The following GPC5 variants were observed in gnomAD, a reference collection of about 807,000 sequenced individuals.
GPC5 encodes glypican 5.
GPC5 carries 47 observed loss-of-function variants against 53.9 expected under a neutral mutation model. The ratio of observed to expected loss-of-function variants is 0.87; its 90% CI spans 0.69 to 1.11. The LOEUF (loss-of-function observed/expected upper bound fraction) is 1.11. Among genes scored for constraint, GPC5 ranks in the 50% most tolerant of loss-of-function variants. The pLI is 0.00. For synonymous variants in GPC5, 286 were observed against 263.3 expected, an observed-to-expected ratio of 1.09 and a Z score of -0.84; for missense variants, 748 against 713.1, an observed-to-expected ratio of 1.05 and a Z score of -0.56.
chr13:91,463,977 A>C (rs920949542), intron 2 of GPC5, among the ~76,000 whole-genome samples: 10 of 152,110 alleles, frequency 6.6e-5, no homozygotes, highest in African/African-American at 9.7e-5. Flanking sequence ...TAAGCAAATA[A>C]TTGCAAACTG....
At chr13:92,628,260 C>CTTTTTTTTTTTTTTT (rs1286424637) in intron 7 of GPC5, among the ~76,000 whole-genome samples, 2 of 37,566 alleles carry the variant, frequency 5.3e-5, no homozygotes, top group African/African-American at 1.6e-4. Context: ...TTTTCTTTTT[C>CTTTTTTTTTTTTTTT]TTTCTTTTTT....
At chr13:92,178,973 A>AAAAT (rs2042127845) in intron 7 of GPC5, among the ~76,000 whole-genome samples, 2 of 152,002 alleles carry the variant, frequency 1.3e-5, no homozygotes, top group South Asian at 2.1e-4. Flanking sequence ...CCTGTCTCAA[A>AAAAT]AAATAAATGA....
At chr13:91,633,617 T>G (rs978117841) in intron 2 of GPC5, among the ~76,000 whole-genome samples, 9 of 152,128 alleles carry the variant, frequency 5.9e-5, no homozygotes, top group African/African-American at 1.7e-4. Context: ...GTTTAACCTA[T>G]GGGTTGAGTG....
chr13:92,140,607 C>G (rs2041823403), intron 6 of GPC5, among the ~76,000 whole-genome samples: 2 of 152,300 alleles, frequency 1.3e-5, no homozygotes, highest in African/African-American at 4.8e-5. Flanking sequence ...ATTGATAACT[C>G]TCCTCTAGAC....
At chr13:92,564,862 A>T (rs1882814827) in intron 7 of GPC5, among the ~76,000 whole-genome samples, 1 of 152,086 alleles carries the variant, frequency 6.6e-6, no homozygotes, top group African/African-American at 2.4e-5. Flanking sequence ...CTTCAGATCG[A>T]GTTGGTTTAA....
intron 5 of GPC5, among the ~76,000 whole-genome samples, chr13:91,814,831 G>T (rs553166733): frequency 6.6e-6 from 1 of 152,098 alleles, no homozygotes; most frequent in African/African-American, 2.4e-5. Flanking sequence ...ATAAGCCACC[G>T]CACCTGGCCA....
intron 7 of GPC5, among the ~76,000 whole-genome samples, chr13:92,534,474 C>G (rs1881661842): frequency 6.6e-6 from 1 of 152,172 alleles, no homozygotes. Flanking sequence ...ATAACAGTAA[C>G]TTCCTAGACA....
intron 3 of GPC5, among the ~76,000 whole-genome samples, chr13:91,694,603 C>T (rs1262917302): frequency 6.6e-6 from 1 of 152,228 alleles, no homozygotes; most frequent in Non-Finnish European, 1.5e-5. Flanking sequence ...TAAATATTCA[C>T]TGGCTCCCTT....
chr13:92,134,189 T>G (rs955282375), intron 6 of GPC5, among the ~76,000 whole-genome samples: 1 of 152,178 alleles, frequency 6.6e-6, no homozygotes, highest in Non-Finnish European at 1.5e-5. Context: ...GAACAGTAGC[T>G]GTTCAGTTTT....
intron 7 of GPC5, among the ~76,000 whole-genome samples, chr13:92,204,700 A>G (rs987361363): frequency 1.3e-5 from 2 of 152,224 alleles, no homozygotes; most frequent in Admixed American, 6.5e-5. Context: ...ATACAGATCC[A>G]AAGGAAGAAA....
chr13:92,059,144 G>A (rs569229161), intron 6 of GPC5, among the ~76,000 whole-genome samples: 1 of 152,104 alleles, frequency 6.6e-6, no homozygotes, highest in Non-Finnish European at 1.5e-5. Flanking sequence ...TCACAGAGGG[G>A]TTATTTATTA....
At chr13:92,695,096 G>A (rs1287403078) in intron 7 of GPC5, among the ~76,000 whole-genome samples, 1 of 152,170 alleles carries the variant, frequency 6.6e-6, no homozygotes. Context: ...CCCTAGCCAT[G>A]CAGAACTGTG....
At chr13:91,678,886 T>G (rs1431961146) in intron 2 of GPC5, among the ~76,000 whole-genome samples, 1 of 152,170 alleles carries the variant, frequency 6.6e-6, no homozygotes, top group Non-Finnish European at 1.5e-5. Flanking sequence ...AAATGTCTTT[T>G]CTAGCACTTG....
intron 7 of GPC5, among the ~76,000 whole-genome samples, chr13:92,373,248 C>T (rs949794779): frequency 6.6e-6 from 1 of 152,068 alleles, no homozygotes; most frequent in African/African-American, 2.4e-5. Flanking sequence ...ACATATAAAA[C>T]TAGTGTGAAA....
intron 7 of GPC5, among the ~76,000 whole-genome samples, chr13:92,254,762 A>C (rs2042715605): frequency 6.6e-6 from 1 of 152,128 alleles, no homozygotes; most frequent in South Asian, 2.1e-4. Context: ...TGAAGGGGCG[A>C]AAAAGTCCCT....
chr13:92,722,153 G>T (rs551872641), intron 7 of GPC5, among the ~76,000 whole-genome samples: 1 of 152,014 alleles, frequency 6.6e-6, no homozygotes, highest in South Asian at 2.1e-4. Flanking sequence ...CAATAACTTG[G>T]GGTTATTTCA....
chr13:91,638,933 T>G (rs567931250), intron 2 of GPC5, among the ~76,000 whole-genome samples: 62 of 152,198 alleles, frequency 4.1e-4, no homozygotes, highest in Non-Finnish European at 7.8e-4. Flanking sequence ...TGAACTCTTT[T>G]CTTACTTGAA....
chr13:91,706,225 T>TAG (rs1264929210), intron 3 of GPC5, among the ~76,000 whole-genome samples: 48 of 152,138 alleles, frequency 3.2e-4, no homozygotes, highest in Non-Finnish European at 5.3e-4. Context: ...TTTCATCACT[T>TAG]TATGGACCAT....
intron 2 of GPC5, among the ~76,000 whole-genome samples, chr13:91,621,259 T>C (rs1032758611): frequency 6.6e-6 from 1 of 152,178 alleles, no homozygotes; most frequent in Admixed American, 6.5e-5. Flanking sequence ...TCACCGACTA[T>C]TAAAAATAGG....
Sources: gnomAD v4.1 joint callset for allele counts (sites outside exome capture counted in the v4.1 genomes callset) on GRCh38, gnomAD v4.1.1 for gene constraint, MANE v1.5 for transcripts, NCBI Gene and HGNC (gene_info 2026-07-23, HGNC 2026-07-21) for gene names.